FBXL7: variants seen among roughly 807,000 people sequenced by gnomAD.
FBXL7 encodes the protein F-box/LRR-repeat protein 7.
FBXL7 carries 12 observed loss-of-function variants against 38.3 expected under a neutral mutation model. The ratio of observed to expected loss-of-function variants is 0.31; its 90% CI spans 0.20 to 0.51. The LOEUF is 0.51. Ranked by LOEUF, FBXL7 falls within the 20% of genes least tolerant of loss-of-function variation. FBXL7 has a pLI of 0.98. For missense variants in FBXL7, 567 were observed against 676.4 expected, an observed-to-expected ratio of 0.84 and a Z score of 1.79; for synonymous variants, 297 against 300.9, an observed-to-expected ratio of 0.99 and a Z score of 0.13.
At chr5:15,825,612 T>C (rs1304784248) in intron 2 of FBXL7, among the ~76,000 whole-genome samples, 1 of 152,210 alleles carries the variant, frequency 6.6e-6, no homozygotes, top group African/African-American at 2.4e-5. Flanking sequence ...TTATTCTCAC[T>C]TCTGTTGTAA....
At chr5:15,784,887 C>G (rs1737093395) in intron 2 of FBXL7, among the ~76,000 whole-genome samples, 1 of 152,204 alleles carries the variant, frequency 6.6e-6, no homozygotes. Context: ...CACACACGCA[C>G]AAACACAAAA....
At chr5:15,699,093 CTG>C (rs1743439308) in intron 2 of FBXL7, among the ~76,000 whole-genome samples, 1 of 152,138 alleles carries the variant, frequency 6.6e-6, no homozygotes, top group Admixed American at 6.5e-5. Flanking sequence ...AAGAAGGTAA[CTG>C]TGGCACTTCA....
At chr5:15,778,492 T>C (rs902133288) in intron 2 of FBXL7, among the ~76,000 whole-genome samples, 27 of 152,070 alleles carry the variant, frequency 1.8e-4, no homozygotes, top group Non-Finnish European at 3.5e-4. Context: ...CTAGACTAAT[T>C]AGTTAAGAAT....
chr5:15,579,867 ACT>A (rs1180500786), intron 1 of FBXL7, among the ~76,000 whole-genome samples: 3 of 152,084 alleles, frequency 2.0e-5, no homozygotes, highest in African/African-American at 7.2e-5. Flanking sequence ...TCACAGAATT[ACT>A]GTCTCAGGGC....
chr5:15,518,333 A>C (rs1187329578), intron 1 of FBXL7, among the ~76,000 whole-genome samples: 1 of 152,154 alleles, frequency 6.6e-6, no homozygotes, highest in African/African-American at 2.4e-5. Context: ...ACTCACCAGA[A>C]GTGAAGGTAC....
chr5:15,898,222 G>A (rs1485016043), intron 2 of FBXL7, among the ~76,000 whole-genome samples: 2 of 152,194 alleles, frequency 1.3e-5, no homozygotes, highest in Non-Finnish European at 2.9e-5. Context: ...TCATGAGCTG[G>A]AACATTTGTT....
chr5:15,674,468 T>C (rs980695258), intron 2 of FBXL7, among the ~76,000 whole-genome samples: 6 of 152,190 alleles, frequency 3.9e-5, no homozygotes, highest in African/African-American at 1.4e-4. Flanking sequence ...ATAGTTAAAT[T>C]AACATAGCAG....
intron 2 of FBXL7, among the ~76,000 whole-genome samples, chr5:15,853,196 C>A (rs1739152489): frequency 6.6e-6 from 1 of 152,082 alleles, no homozygotes; most frequent in South Asian, 2.1e-4. Flanking sequence ...TGGAACACAG[C>A]AAATGTGTTG....
At chr5:15,868,201 C>G (rs1347423720) in intron 2 of FBXL7, among the ~76,000 whole-genome samples, 3 of 151,852 alleles carry the variant, frequency 2.0e-5, no homozygotes. Context: ...GGCAAGCCAG[C>G]AAGGCAACAG....
intron 2 of FBXL7, among the ~76,000 whole-genome samples, chr5:15,714,575 C>T (rs2126645752): frequency 6.6e-6 from 1 of 151,962 alleles, no homozygotes; most frequent in Non-Finnish European, 1.5e-5. Flanking sequence ...AGAGGCAGGG[C>T]TAGGAGCAGT....
chr5:15,878,432 A>C (rs1289058193), intron 2 of FBXL7, among the ~76,000 whole-genome samples: 1 of 152,158 alleles, frequency 6.6e-6, no homozygotes, highest in Non-Finnish European at 1.5e-5. Context: ...CATGTTCTCC[A>C]GCAACTCTGC....
At chr5:15,548,354 AT>A (rs1182203992) in intron 1 of FBXL7, among the ~76,000 whole-genome samples, 1 of 152,222 alleles carries the variant, frequency 6.6e-6, no homozygotes, top group Non-Finnish European at 1.5e-5. Context: ...GTACATTAAA[AT>A]TCATCCTAAT....
intron 2 of FBXL7, among the ~76,000 whole-genome samples, chr5:15,771,960 G>A (rs1736740955): frequency 6.6e-6 from 1 of 151,644 alleles, no homozygotes; most frequent in African/African-American, 2.4e-5. Context: ...TAGTAGAGAC[G>A]AAGATTCACC....
chr5:15,701,551 C>G (rs1743523212), intron 2 of FBXL7, among the ~76,000 whole-genome samples: 1 of 152,062 alleles, frequency 6.6e-6, no homozygotes, highest in Non-Finnish European at 1.5e-5. Flanking sequence ...TGAACATTTA[C>G]TGGATACATA....
chr5:15,762,207 G>A (rs1046104395), intron 2 of FBXL7, among the ~76,000 whole-genome samples: 1 of 152,310 alleles, frequency 6.6e-6, no homozygotes, highest in Middle Eastern at 3.4e-3. Context: ...GTTGGCCAGA[G>A]ACCATCCTCA....
chr5:15,686,116 T>C (rs1180867844), intron 2 of FBXL7, among the ~76,000 whole-genome samples: 2 of 152,198 alleles, frequency 1.3e-5, no homozygotes, highest in African/African-American at 4.8e-5. Flanking sequence ...AAACCTCCAC[T>C]GGATGCTAGT....
intron 2 of FBXL7, among the ~76,000 whole-genome samples, chr5:15,693,102 T>C (rs775765800): frequency 6.6e-6 from 1 of 152,170 alleles, no homozygotes; most frequent in African/African-American, 2.4e-5. Context: ...AGAGGAACGA[T>C]GTGGTCTACA....
intron 1 of FBXL7, among the ~76,000 whole-genome samples, chr5:15,592,141 T>C (rs1327249824): frequency 6.6e-6 from 1 of 152,198 alleles, no homozygotes; most frequent in African/African-American, 2.4e-5. Flanking sequence ...ACTGTGTTCA[T>C]GCTCTGAGGA....
In FBXL7 at chr5:15,844,905, G is replaced by T. The variant is rs190516047; in HGVS notation, c.128-82985G>T. Among the ~76,000 whole-genome samples the T allele has an allele frequency of 3.3e-5, 5 of 152,288 alleles. No homozygotes were observed. In the East Asian group the frequency reaches 9.7e-4, roughly 29 times the overall value. On this transcript the variant is annotated intron_variant, in intron 2 of 3. Coordinates refer to ENST00000504595, the MANE Select transcript of FBXL7 (RefSeq NM_012304.5). ...AAAAACAGACTTCAGAAATAGCTAA[G>T]AGTCATGAATATAAGAAAGCTCAAT...
Sources: allele counts gnomAD v4.1 joint callset (sites outside exome capture counted in the v4.1 genomes callset), GRCh38; gene constraint gnomAD v4.1.1; transcripts MANE v1.5; gene names NCBI Gene and HGNC (gene_info 2026-07-23, HGNC 2026-07-21).